The following CLEC1A variants were observed in gnomAD, a reference collection of about 807,000 sequenced individuals.
CLEC1A encodes the protein C-type lectin domain family 1 member A, also known as C-type lectin-like receptor-1.
CLEC1A carries 34 observed loss-of-function variants against 28.7 expected under a neutral mutation model. That is an observed-to-expected ratio of 1.18 (90% CI 0.90 to 1.57). The LOEUF (loss-of-function observed/expected upper bound fraction) is 1.57. Ranked by LOEUF, CLEC1A falls within the 40% of genes most tolerant of loss-of-function variation. The pLI is 0.00. For synonymous variants in CLEC1A, 116 were observed against 121.0 expected, an observed-to-expected ratio of 0.96 and a Z score of 0.27; for missense variants, 385 against 339.5, an observed-to-expected ratio of 1.13 and a Z score of -1.05.
At chr12:10,094,112 A>C (rs952546) in intron 1 of CLEC1A, among the ~76,000 whole-genome samples, 114,984 of 152,002 alleles carry the variant, frequency 0.76, 45,251 homozygotes, top group Non-Finnish European at 0.88. Context: ...TATATTTTTC[A>C]TCTTCAGTAA....
rs1947757540 is a variant in CLEC1A, at chr12:10,094,964, GTAACTCATTCA to G, written c.115+3833_115+3843del. On this transcript the variant is annotated intron_variant, in intron 1 of 5. Coordinates refer to ENST00000315330, the MANE Select transcript of CLEC1A (RefSeq NM_016511.4). ...GAACTCGCAAAACTAAACTCAATCA[GTAACTCATTCA>G]TTCCTATATTGCTTCTGCGGCCTCC... 3.1e-4 allele frequency among the ~76,000 whole-genome samples: 4 copies of G among 12,796 alleles called. No homozygotes were observed. In the South Asian group the frequency reaches 3.4e-3, roughly 11 times the overall value. 8.4% of individuals were successfully genotyped at this position (12,796 alleles called of 152,430 possible).
intron 1 of CLEC1A, among the ~76,000 whole-genome samples, chr12:10,092,083 A>C (rs1947714206): frequency 6.6e-6 from 1 of 152,228 alleles, no homozygotes; most frequent in South Asian, 2.1e-4. Flanking sequence ...ATTAATATGC[A>C]TCTCAAAGTC....
In CLEC1A at chr12:10,071,312, T is replaced by C; in HGVS notation, c.*21A>G. 1 of 1,607,036 alleles carries C rather than the reference T, an allele frequency of 6.2e-7. No individual in the cohort carries two copies. The highest frequency in any genetic ancestry group is 8.5e-7 in the Non-Finnish European group (1 of 1,175,936). On this transcript the variant is annotated 3_prime_UTR_variant, in exon 6 of 6. Transcript: ENST00000315330. ...TGGCACCGCCTGGCTCACTCTGCTA[T>C]TTGTAGTTGCAGAGGGCGAATCAGT...
intron 2 of CLEC1A, among the ~76,000 whole-genome samples, chr12:10,086,361 T>A (rs1866492121): frequency 7.2e-6 from 1 of 138,244 alleles, no homozygotes; most frequent in Non-Finnish European, 1.5e-5. Context: ...TAAATGATAT[T>A]GAAATGAAAA....
chr12:10,082,936 A>C (rs10845032), intron 2 of CLEC1A, among the ~76,000 whole-genome samples: 109,211 of 152,130 alleles, frequency 0.72, 41,915 homozygotes, highest in Non-Finnish European at 0.88. Context: ...ACATATCTAC[A>C]ACCAAGGACT....
chr12:10,095,814 TTTA>T (rs1156325230), intron 1 of CLEC1A, among the ~76,000 whole-genome samples: 2 of 152,182 alleles, frequency 1.3e-5, no homozygotes, highest in Non-Finnish European at 2.9e-5. Context: ...TACTCTTGAA[TTTA>T]TTGTCTCTTG....
intron 1 of CLEC1A, among the ~76,000 whole-genome samples, chr12:10,092,244 C>T (rs1247516379): frequency 6.6e-6 from 1 of 152,150 alleles, no homozygotes; most frequent in Non-Finnish European, 1.5e-5. Flanking sequence ...TGGCTTAGGC[C>T]TGTAATCTCA....
intron 3 of CLEC1A, among the ~76,000 whole-genome samples, chr12:10,078,840 G>A (rs1311834992): frequency 2.6e-5 from 4 of 152,064 alleles, no homozygotes; most frequent in Non-Finnish European, 2.9e-5. Context: ...GTGAGTTCTC[G>A]CTCTATGAGT....
At position 10,070,633 on chromosome 12, in the gene CLEC1A, G is replaced by T. The variant is rs1421488164; in HGVS notation, c.*700C>A. ...TTTAATCTCTCTGAAGGGAATATCG[G>T]GGACGGTAGTTCTGATATGAAACGG... is the stretch of plus-strand genomic sequence containing the variant. On this transcript the variant is annotated 3_prime_UTR_variant, in exon 6 of 6. Coordinates refer to ENST00000315330, the MANE Select transcript of CLEC1A (RefSeq NM_016511.4). 1.3e-5 allele frequency: 2 copies of T among 152,326 alleles called. No individual in the cohort carries two copies. The highest frequency in any genetic ancestry group is 3.9e-4 in the East Asian group (2 of 5,190). 9.4% of individuals were successfully genotyped at this position (152,326 alleles called of 1,614,324 possible).
At chr12:10,096,122 T>C (rs1947773326) in intron 1 of CLEC1A, among the ~76,000 whole-genome samples, 1 of 152,202 alleles carries the variant, frequency 6.6e-6, no homozygotes, top group Non-Finnish European at 1.5e-5. Context: ...CACATGTCTA[T>C]GTAGCCCAAC....
intron 2 of CLEC1A, among the ~76,000 whole-genome samples, chr12:10,084,727 C>T (rs1866445895): frequency 6.9e-6 from 1 of 144,624 alleles, no homozygotes; most frequent in South Asian, 2.2e-4. Context: ...AATGCTGGGG[C>T]AGGAGAATGG....
intron 5 of CLEC1A, among the ~76,000 whole-genome samples, chr12:10,071,788 G>T (rs1866141419): frequency 6.6e-6 from 1 of 152,114 alleles, no homozygotes. Flanking sequence ...CACTTAAAAA[G>T]TTCTCTACCT....
intron 5 of CLEC1A, among the ~76,000 whole-genome samples, chr12:10,072,634 A>ATCTCTCTCTCTC (rs58355839): frequency 6.1e-5 from 9 of 148,180 alleles, no homozygotes; most frequent in African/African-American, 1.5e-4. Context: ...TCAGGGAAAG[A>ATCTCTCTCTCTC]TCTCTCTCTC....
chr12:10,080,672 C>T (rs1440384896), intron 3 of CLEC1A, among the ~76,000 whole-genome samples: 1 of 152,216 alleles, frequency 6.6e-6, no homozygotes, highest in East Asian at 1.9e-4. Flanking sequence ...TACACATGCA[C>T]TCACACTGAA....
intron 3 of CLEC1A, among the ~76,000 whole-genome samples, chr12:10,075,863 A>C (rs2137333184): frequency 6.6e-6 from 1 of 152,312 alleles, no homozygotes; most frequent in South Asian, 2.1e-4. Flanking sequence ...GTAGAAATTA[A>C]AACAGACACT....
intron 1 of CLEC1A, among the ~76,000 whole-genome samples, chr12:10,097,979 T>C (rs959288023): frequency 1.4e-5 from 2 of 141,976 alleles, no homozygotes; most frequent in Admixed American, 1.4e-4. Context: ...TAGAAATAAA[T>C]AGAAAGTGAA....
At chr12:10,084,493 G>A (rs1866439382) in intron 2 of CLEC1A, 1 of 152,092 alleles carries the variant, frequency 6.6e-6, no homozygotes, top group Non-Finnish European at 1.5e-5. Flanking sequence ...TATTCATTAT[G>A]TTATCTAAAG....
intron 3 of CLEC1A, among the ~76,000 whole-genome samples, chr12:10,076,293 C>T (rs372997767): frequency 6.6e-6 from 1 of 152,094 alleles, no homozygotes; most frequent in African/African-American, 2.4e-5. Flanking sequence ...GAGTTAGGAA[C>T]CTAATCCAGT....
intron 3 of CLEC1A, among the ~76,000 whole-genome samples, chr12:10,080,265 A>G (rs1013483642): frequency 1.3e-5 from 2 of 152,186 alleles, no homozygotes; most frequent in East Asian, 1.9e-4. Flanking sequence ...GCAAGCCGAG[A>G]TCGTGTCACT....
Sources: allele counts gnomAD v4.1 joint callset (sites outside exome capture counted in the v4.1 genomes callset), GRCh38; gene constraint gnomAD v4.1.1; transcripts MANE v1.5; gene names NCBI Gene and HGNC (gene_info 2026-07-23, HGNC 2026-07-21).